MAP3K13: variants seen among roughly 807,000 people sequenced by gnomAD.
MAP3K13 encodes mitogen-activated protein kinase kinase kinase 13.
MAP3K13 carries 52 observed loss-of-function variants against 104.0 expected under a neutral mutation model. The ratio of observed to expected loss-of-function variants is 0.50; its 90% CI spans 0.40 to 0.63. The LOEUF (loss-of-function observed/expected upper bound fraction) is 0.63, where lower values mean the gene tolerates loss of function less well. Among genes scored for constraint, MAP3K13 ranks in the 20% least tolerant of loss-of-function variants. The pLI is 0.00. For synonymous variants in MAP3K13, 394 were observed against 442.2 expected (o/e 0.89, Z 1.37); for missense variants, 914 against 1,218.5 (o/e 0.75, Z 3.72).
chr3:185,318,439 C>T (rs1721752203), intron 2 of MAP3K13, among the ~76,000 whole-genome samples: 1 of 152,208 alleles, frequency 6.6e-6, no homozygotes, highest in African/African-American at 2.4e-5. Context: ...GGTCTAGATA[C>T]ACAGTGAAAT....
At chr3:185,437,019 AAAAAAAAAAAAAAT>A (rs1715073064) in intron 2 of MAP3K13, among the ~76,000 whole-genome samples, 2 of 150,272 alleles carry the variant, frequency 1.3e-5, no homozygotes, top group Non-Finnish European at 3.0e-5. Flanking sequence ...AAAAAAAAAA[AAAAAAAAAAAAAAT>A]TAGCAAAGAT....
At chr3:185,402,911 C>A (rs1712898485) in intron 1 of MAP3K13, among the ~76,000 whole-genome samples, 1 of 152,262 alleles carries the variant, frequency 6.6e-6, no homozygotes, top group African/African-American at 2.4e-5. Flanking sequence ...GGCTGAACTG[C>A]TTTTGCTAAT....
intron 1 of MAP3K13, chr3:185,417,735 C>T: frequency 1.2e-6 from 2 of 1,612,588 alleles, no homozygotes; most frequent in South Asian, 1.1e-5. Context: ...CCACCCGGAG[C>T]TTGTGATTCC....
chr3:185,364,638 C>T (rs1318550036), intron 1 of MAP3K13, among the ~76,000 whole-genome samples: 1 of 152,150 alleles, frequency 6.6e-6, no homozygotes, highest in East Asian at 1.9e-4. Flanking sequence ...TAATTTCAAA[C>T]TTATCATACC....
intron 3 of MAP3K13, among the ~76,000 whole-genome samples, chr3:185,440,514 G>A (rs941387696): frequency 6.6e-6 from 1 of 151,996 alleles, no homozygotes; most frequent in African/African-American, 2.4e-5. Flanking sequence ...GGTTCACCAA[G>A]CTTTCCTAAG....
chr3:185,465,967 T>C, intron 9 of MAP3K13, 104 bp downstream of exon 9: 1 of 858,048 alleles, frequency 1.2e-6, no homozygotes, highest in East Asian at 2.5e-5. Flanking sequence ...GCAGATATTT[T>C]ATTCATTCAC....
At chr3:185,380,057 G>A (rs1266069633) in intron 1 of MAP3K13, among the ~76,000 whole-genome samples, 1 of 151,878 alleles carries the variant, frequency 6.6e-6, no homozygotes, top group South Asian at 2.1e-4. Context: ...ATGATGGCAG[G>A]TGCCTTTAGT....
At chr3:185,284,584 C>A (rs1438074707) in intron 1 of MAP3K13, among the ~76,000 whole-genome samples, 1 of 151,988 alleles carries the variant, frequency 6.6e-6, no homozygotes, top group Non-Finnish European at 1.5e-5. Flanking sequence ...CCGGGCGGGG[C>A]TCGAGCCTGT....
intron 1 of MAP3K13, among the ~76,000 whole-genome samples, chr3:185,428,078 T>C (rs1714530899): frequency 7.3e-6 from 1 of 137,240 alleles, no homozygotes; most frequent in Non-Finnish European, 1.5e-5. Context: ...AAACTCCGTC[T>C]CAAAAAAAAA....
chr3:185,342,299 A>G (rs1289739815), intron 2 of MAP3K13, among the ~76,000 whole-genome samples: 3 of 152,180 alleles, frequency 2.0e-5, no homozygotes, highest in Non-Finnish European at 4.4e-5. Context: ...GGCAATCTGC[A>G]TGCTGCAGTG....
chr3:185,488,025 G>A lies in MAP3K13; in HGVS notation c.*5569G>A, dbSNP rs1294141309. 6.6e-6 allele frequency: 1 copy of A among 152,164 alleles called. No homozygotes were observed. The highest frequency in any genetic ancestry group is 2.4e-5 in the African/African-American group (1 of 41,430). The allele number at this position is 152,164 out of a possible 1,614,324, so 9.4% of individuals were successfully genotyped here. ...CTTTTGGACAACAATTCCAATTGAA[G>A]GAACACCAATCACTGATGGATCCCA... On this transcript the variant is annotated 3_prime_UTR_variant, in exon 14 of 14. Transcript: ENST00000265026.
chr3:185,427,741 GA>G (rs1007812129), intron 1 of MAP3K13, among the ~76,000 whole-genome samples: 20 of 152,260 alleles, frequency 1.3e-4, no homozygotes, highest in African/African-American at 4.8e-4. Context: ...GTGTATATCA[GA>G]ACAACTAAAT....
At chr3:185,421,211 C>T (rs1714105157) in intron 1 of MAP3K13, among the ~76,000 whole-genome samples, 1 of 150,820 alleles carries the variant, frequency 6.6e-6, no homozygotes, top group African/African-American at 2.4e-5. Flanking sequence ...GTTTTGTTTT[C>T]GAGGCGGAGT....
chr3:185,446,258 ATT>A lies in MAP3K13; in HGVS notation c.852-1517_852-1516del, dbSNP rs72309263. On this transcript the variant is annotated intron_variant, in intron 4 of 13. Coordinates refer to ENST00000265026, the MANE Select transcript of MAP3K13 (RefSeq NM_004721.5). Reference sequence around the variant, plus strand: ...CTATTTGAGGATGAAGCCTCTTATCATTTTTTTTTTTTTTTGAGATGGGGTCT... The same window carrying A: ...CTATTTGAGGATGAAGCCTCTTATCATTTTTTTTTTTTTGAGATGGGGTCT... Among the ~76,000 whole-genome samples the A allele has an allele frequency of 5.8e-3, 811 of 140,946 alleles. 8 individuals carry two copies. Among genetic ancestry groups the A allele is most frequent in the African/African-American group, 0.019 (720 of 38,642 alleles). The allele number at this position is 140,946 out of a possible 152,430, so 92.5% of individuals were successfully genotyped here. A position where few individuals can be genotyped will look rare whatever the true frequency, so the allele number is the denominator to read the frequency against.
intron 1 of MAP3K13, among the ~76,000 whole-genome samples, chr3:185,389,487 C>T (rs1370351948): frequency 6.6e-6 from 1 of 151,908 alleles, no homozygotes; most frequent in Non-Finnish European, 1.5e-5. Context: ...TATATATTAG[C>T]TTCTTTCTTT....
chr3:185,385,092 C>T lies in MAP3K13; in HGVS notation c.-86+21724C>T, dbSNP rs571224503. ...AGTTTCAGGTCATAAGTTGTCAATC[C>T]ATTTTGATTAGTTTTTTAATAAGAA... On this transcript the variant is annotated intron_variant, in intron 1 of 13. Coordinates refer to ENST00000265026, the MANE Select transcript of MAP3K13 (RefSeq NM_004721.5). Among the ~76,000 whole-genome samples the T allele has an allele frequency of 6.8e-4, 103 of 152,126 alleles. 1 individual carries two copies. Among genetic ancestry groups the T allele is most frequent in the African/African-American group, 2.4e-3 (100 of 41,492 alleles).
chr3:185,485,425 T>C lies in MAP3K13; in HGVS notation c.*2969T>C, dbSNP rs1197276004. 1 of 152,246 alleles carries C rather than the reference T, an allele frequency of 6.6e-6. No individual in the cohort carries two copies. Among genetic ancestry groups the C allele is most frequent in the East Asian group, 1.9e-4 (1 of 5,204 alleles). 9.4% of individuals were successfully genotyped at this position (152,246 alleles called of 1,614,324 possible). ...TCAACAGCAGTCCAAAAATATTTGA[T>C]GGAACATTCCAGAAATAAACAATTC... On this transcript the variant is annotated 3_prime_UTR_variant, in exon 14 of 14. Coordinates refer to ENST00000265026, the MANE Select transcript of MAP3K13 (RefSeq NM_004721.5).
chr3:185,442,418 T>C (rs1406842982), intron 3 of MAP3K13, among the ~76,000 whole-genome samples: 1 of 152,190 alleles, frequency 6.6e-6, no homozygotes, highest in Non-Finnish European at 1.5e-5. Flanking sequence ...ATTTGAGTAA[T>C]TTAAAATTCA....
intron 1 of MAP3K13, chr3:185,417,784 G>C: frequency 1.2e-6 from 2 of 1,612,072 alleles, no homozygotes; most frequent in Non-Finnish European, 1.7e-6. Flanking sequence ...CATGGTCTTT[G>C]CATATGGGTT....
Sources: allele counts gnomAD v4.1 joint callset (sites outside exome capture counted in the v4.1 genomes callset), GRCh38; gene constraint gnomAD v4.1.1; transcripts MANE v1.5; gene names NCBI Gene and HGNC (gene_info 2026-07-23, HGNC 2026-07-21).